GMDS: variants seen among roughly 807,000 people sequenced by gnomAD.
GMDS encodes the protein GDP-mannose 4,6 dehydratase.
A neutral mutation model predicts 49.9 loss-of-function variants in GMDS; 20 were observed. That is an observed-to-expected ratio of 0.40 (90% confidence interval 0.28 to 0.58). The LOEUF is 0.58. GMDS is among the 20% of genes least tolerant of loss of function. The pLI is 0.42. For synonymous variants in GMDS, 177 were observed against 178.6 expected, an observed-to-expected ratio of 0.99 and a Z score of 0.07; for missense variants, 362 against 481.4, an observed-to-expected ratio of 0.75 and a Z score of 2.32.
At chr6:2,194,994 C>T (rs1193558546) in intron 1 of GMDS, among the ~76,000 whole-genome samples, 1 of 151,994 alleles carries the variant, frequency 6.6e-6, no homozygotes, top group Non-Finnish European at 1.5e-5. Flanking sequence ...CTGTACTTTG[C>T]TAAAAAGAAA....
At chr6:1,810,701 A>G (rs1283865425) in intron 7 of GMDS, among the ~76,000 whole-genome samples, 5 of 152,142 alleles carry the variant, frequency 3.3e-5, no homozygotes, top group Non-Finnish European at 5.9e-5. Flanking sequence ...GGTCAAAATT[A>G]CTAAGGGTTT....
intron 9 of GMDS, among the ~76,000 whole-genome samples, chr6:1,692,230 A>C (rs4566918): frequency 0.98 from 150,004 of 152,348 alleles, 73,889 homozygotes; most frequent in East Asian, 1. Context: ...GCTGCACTAT[A>C]GGCTTCCCTG....
chr6:1,908,032 G>C (rs764349263), intron 7 of GMDS, among the ~76,000 whole-genome samples: 8 of 152,096 alleles, frequency 5.3e-5, no homozygotes, highest in African/African-American at 1.9e-4. Context: ...GCATCAAAAC[G>C]CTTGCACCAT....
chr6:2,000,389 C>T (rs1440614742), intron 4 of GMDS, among the ~76,000 whole-genome samples: 2 of 151,828 alleles, frequency 1.3e-5, no homozygotes, highest in African/African-American at 4.8e-5. Context: ...CATTTCAGAG[C>T]ATTTTAATCA....
intron 9 of GMDS, among the ~76,000 whole-genome samples, chr6:1,641,949 G>A (rs576072538): frequency 6.6e-6 from 1 of 152,134 alleles, no homozygotes; most frequent in Non-Finnish European, 1.5e-5. Context: ...ACACTAGGAA[G>A]TTCTCAGAAC....
chr6:2,058,436 G>A (rs1176492116), intron 4 of GMDS, among the ~76,000 whole-genome samples: 2 of 151,826 alleles, frequency 1.3e-5, no homozygotes, highest in African/African-American at 4.8e-5. Context: ...AGTACGAGCG[G>A]TATCTAGCAC....
At chr6:1,824,310 C>G (rs964043729) in intron 7 of GMDS, among the ~76,000 whole-genome samples, 1 of 152,172 alleles carries the variant, frequency 6.6e-6, no homozygotes, top group Non-Finnish European at 1.5e-5. Flanking sequence ...GACGGAAACT[C>G]CAAGGCTGTG....
chr6:1,938,778 GACT>G (rs1212955333), intron 6 of GMDS, among the ~76,000 whole-genome samples: 1 of 151,850 alleles, frequency 6.6e-6, no homozygotes, highest in Non-Finnish European at 1.5e-5. Context: ...AAGGATATTA[GACT>G]ACTACTTTTA....
intron 4 of GMDS, among the ~76,000 whole-genome samples, chr6:1,997,450 G>A (rs1277404419): frequency 6.7e-6 from 1 of 148,456 alleles, no homozygotes; most frequent in Non-Finnish European, 1.5e-5. Flanking sequence ...GGAGGCTGTA[G>A]TGAGCTGAGA....
At chr6:2,151,760 A>C (rs1435691360) in intron 1 of GMDS, among the ~76,000 whole-genome samples, 1 of 152,148 alleles carries the variant, frequency 6.6e-6, no homozygotes, top group Non-Finnish European at 1.5e-5. Flanking sequence ...TAAGAATTTA[A>C]GACATCTGTG....
chr6:2,241,384 AT>A (rs1367330008), intron 1 of GMDS, among the ~76,000 whole-genome samples: 1 of 152,162 alleles, frequency 6.6e-6, no homozygotes, highest in African/African-American at 2.4e-5. Flanking sequence ...TTGGAATTGT[AT>A]TTTGCATGAG....
intron 7 of GMDS, among the ~76,000 whole-genome samples, chr6:1,771,777 T>C (rs907241861): frequency 6.6e-6 from 1 of 152,236 alleles, no homozygotes; most frequent in Admixed American, 6.5e-5. Flanking sequence ...ATCTGATATG[T>C]CCAGCCAGAA....
chr6:2,197,124 A>C (rs1457554676), intron 1 of GMDS, among the ~76,000 whole-genome samples: 1 of 152,260 alleles, frequency 6.6e-6, no homozygotes, highest in Non-Finnish European at 1.5e-5. Context: ...AGTCAGTATT[A>C]AATAATGTCA....
At chr6:1,698,340 A>C (rs1481741021) in intron 9 of GMDS, among the ~76,000 whole-genome samples, 1 of 152,236 alleles carries the variant, frequency 6.6e-6, no homozygotes, top group Non-Finnish European at 1.5e-5. Flanking sequence ...GTTGGAACCA[A>C]GATCTTTTAA....
At chr6:2,025,846 T>C (rs1274915442) in intron 4 of GMDS, among the ~76,000 whole-genome samples, 1 of 152,164 alleles carries the variant, frequency 6.6e-6, no homozygotes, top group Admixed American at 6.5e-5. Context: ...CATAGGAAAT[T>C]GCCTGAATAA....
chr6:1,724,301 G>T (rs1234338424), intron 9 of GMDS, among the ~76,000 whole-genome samples: 1 of 152,176 alleles, frequency 6.6e-6, no homozygotes, highest in Non-Finnish European at 1.5e-5. Flanking sequence ...TGCAGAACAG[G>T]TATGATGATA....
rs926660837 is a variant in GMDS at position 1,702,146 on chromosome 6, T to C, written c.987+24270A>G. The stretch of plus-strand genomic sequence containing the variant: ...TCAGAGCTGGCGGTTTTCTCAGCAA[T>C]GCCTGATGCAAGCTCGAGCTTTGAC... On this transcript the variant is annotated intron_variant, in intron 9 of 10. Transcript: ENST00000380815. Among the ~76,000 whole-genome samples, 30 of 152,382 alleles carry C rather than the reference T, an allele frequency of 2.0e-4. 2 individuals carry two copies. Among genetic ancestry groups the C allele is most frequent in the Admixed American group, 2.0e-3 (30 of 15,312 alleles).
At chr6:1,779,593 T>C (rs1768993049) in intron 7 of GMDS, among the ~76,000 whole-genome samples, 1 of 152,102 alleles carries the variant, frequency 6.6e-6, no homozygotes, top group South Asian at 2.1e-4. Flanking sequence ...TGTGCGTCTG[T>C]GTGAAAACGA....
chr6:1,719,848 T>C (rs1766311173), intron 9 of GMDS, among the ~76,000 whole-genome samples: 1 of 152,160 alleles, frequency 6.6e-6, no homozygotes, highest in South Asian at 2.1e-4. Context: ...AAACAGACTT[T>C]TAAGACGATA....
Sources: gnomAD v4.1 joint callset for allele counts (sites outside exome capture counted in the v4.1 genomes callset) on GRCh38, gnomAD v4.1.1 for gene constraint, MANE v1.5 for transcripts, NCBI Gene and HGNC (gene_info 2026-07-23, HGNC 2026-07-21) for gene names.